CDON: variants seen among roughly 807,000 people sequenced by gnomAD.
The protein encoded by CDON is cell adhesion molecule-related/down-regulated by oncogenes.
Under a neutral mutation model 120.9 loss-of-function variants are expected in CDON, and 73 were observed. The observed-to-expected ratio is 0.60, with a 90% CI of 0.50 to 0.73. The LOEUF (loss-of-function observed/expected upper bound fraction) is 0.73, where lower values mean the gene tolerates loss of function less well. CDON is among the 30% of genes least tolerant of loss of function. CDON has a pLI of 0.00. For missense variants in CDON, 1,470 were observed against 1,587.3 expected (o/e 0.93, Z 1.26); for synonymous variants, 566 against 573.5 (o/e 0.99, Z 0.19).
chr11:125,980,658 T>C (rs984609511), intron 17 of CDON, among the ~76,000 whole-genome samples: 6 of 152,328 alleles, frequency 3.9e-5, no homozygotes, highest in Middle Eastern at 3.4e-3. Flanking sequence ...CCTCCAGTGC[T>C]ACCATCTCAC....
intron 8 of CDON, among the ~76,000 whole-genome samples, chr11:126,009,126 G>A (rs1297654968): frequency 6.6e-6 from 1 of 152,166 alleles, no homozygotes; most frequent in Non-Finnish European, 1.5e-5. Flanking sequence ...GCAGAGCCAG[G>A]ATTCTGACAC....
intron 1 of CDON, among the ~76,000 whole-genome samples, chr11:126,028,476 C>T (rs1947856315): frequency 6.6e-6 from 1 of 152,042 alleles, no homozygotes; most frequent in Admixed American, 6.5e-5. Flanking sequence ...CGACTCTCTG[C>T]CTCAGCCTCC....
At chr11:126,047,211 T>C (rs1384984897) in intron 1 of CDON, among the ~76,000 whole-genome samples, 2 of 152,146 alleles carry the variant, frequency 1.3e-5, no homozygotes, top group African/African-American at 4.8e-5. Context: ...AACTGAAGAA[T>C]GTTTACATTG....
rs1409860394 is a variant in CDON, at chr11:125,957,484, A to G, written c.*3458T>C. 2.0e-5 allele frequency: 3 copies of G among 152,280 alleles called. No individual in the cohort carries two copies. The highest frequency in any genetic ancestry group is 2.1e-4 in the South Asian group (1 of 4,836). 9.4% of individuals were successfully genotyped at this position (152,280 alleles called of 1,614,324 possible). On this transcript the variant is annotated 3_prime_UTR_variant, in exon 20 of 20. Coordinates refer to ENST00000531738, the MANE Select transcript of CDON (RefSeq NM_001378964.1). ...CAGCCTTCTCTTTTAATATAAAATC[A>G]TATCAACCAAATAAAACCTGCCAAA...
At chr11:125,972,188 G>A (rs1216466655) in intron 18 of CDON, among the ~76,000 whole-genome samples, 1 of 152,176 alleles carries the variant, frequency 6.6e-6, no homozygotes, top group Non-Finnish European at 1.5e-5. Flanking sequence ...AACATTGGGA[G>A]GCCGAGGCGG....
chr11:125,973,346 C>G (rs952717532), intron 18 of CDON, among the ~76,000 whole-genome samples: 4 of 152,116 alleles, frequency 2.6e-5, no homozygotes, highest in Non-Finnish European at 5.9e-5. Flanking sequence ...GCCTGACTGA[C>G]ATGGTGAAAC....
At chr11:125,964,318 C>A (rs1945730154) in intron 18 of CDON, among the ~76,000 whole-genome samples, 1 of 152,178 alleles carries the variant, frequency 6.6e-6, no homozygotes, top group African/African-American at 2.4e-5. Flanking sequence ...TTGCTAAATA[C>A]CTTCCTTAGG....
intron 18 of CDON, among the ~76,000 whole-genome samples, chr11:125,974,321 G>C (rs7951584): frequency 0.37 from 54,993 of 146,756 alleles, 10,473 homozygotes; most frequent in Admixed American, 0.43. Context: ...TGGCTCACTA[G>C]AGACCTGCAG....
At chr11:126,012,975 C>G (rs548045761) in intron 7 of CDON, among the ~76,000 whole-genome samples, 30 of 152,200 alleles carry the variant, frequency 2.0e-4, no homozygotes, top group African/African-American at 7.2e-4. Flanking sequence ...TCTTATATTT[C>G]ACCATTAAAT....
At position 125,956,962 on chromosome 11, in the gene CDON, C is replaced by A; in HGVS notation, c.*3980G>T. The stretch of plus-strand genomic sequence containing the variant: ...AAAGGGCCACACCCGATGCAAAAGA[C>A]TTTGCTGGCTTTCTGGTCAGACAAG... On this transcript the variant is annotated 3_prime_UTR_variant, in exon 20 of 20. Transcript: ENST00000531738. 1.5e-6 allele frequency: 1 copy of A among 667,566 alleles called. No individual in the cohort carries two copies. The highest frequency in any genetic ancestry group is 1.9e-6 in the Non-Finnish European group (1 of 539,780). 41.4% of individuals were successfully genotyped at this position (667,566 alleles called of 1,614,324 possible).
chr11:126,040,591 G>A (rs968813180), intron 1 of CDON, among the ~76,000 whole-genome samples: 3 of 151,744 alleles, frequency 2.0e-5, no homozygotes, highest in Non-Finnish European at 4.4e-5. Flanking sequence ...CGAGGTGGGC[G>A]GATCACAAGG....
At chr11:126,040,810 G>T (rs1318216495) in intron 1 of CDON, among the ~76,000 whole-genome samples, 1 of 53,066 alleles carries the variant, frequency 1.9e-5, no homozygotes, top group African/African-American at 8.6e-5. Flanking sequence ...GAAAGACTCC[G>T]TCTCAAAAAA....
intron 5 of CDON, 129 bp from the exon 6 acceptor site, chr11:126,017,504 T>A: frequency 1.1e-6 from 1 of 884,970 alleles, no homozygotes; most frequent in African/African-American, 1.7e-5. Context: ...GGTGGTTAAA[T>A]CCTTTTTAGT....
At chr11:125,964,581 C>T (rs1489313220) in intron 18 of CDON, among the ~76,000 whole-genome samples, 2 of 151,698 alleles carry the variant, frequency 1.3e-5, no homozygotes, top group Non-Finnish European at 2.9e-5. Flanking sequence ...AGAGTTCCAG[C>T]TCCCAGTCTA....
intron 3 of CDON, 141 bp downstream of exon 3, chr11:126,021,107 C>T (rs958407575): frequency 6.0e-6 from 5 of 826,540 alleles, no homozygotes; most frequent in Non-Finnish European, 9.6e-6. Context: ...CCACAATATA[C>T]TCACAGCAAG....
At chr11:126,058,447 C>T (rs1948725997) in intron 1 of CDON, among the ~76,000 whole-genome samples, 1 of 152,074 alleles carries the variant, frequency 6.6e-6, no homozygotes, top group Non-Finnish European at 1.5e-5. Context: ...GGAGAAATGC[C>T]CAGGATTAAG....
Position 126,021,294 on chromosome 11 carries a change from A to G in CDON, c.303T>C (p.Asn101=). 1.2e-6 allele frequency: 2 copies of G among 1,614,164 alleles called. No individual in the cohort carries two copies. Among genetic ancestry groups the G allele is most frequent in the Non-Finnish European group, 1.7e-6 (2 of 1,180,000 alleles). ...LLGYYQCLAN[N]SIGAIVSGPA... is the part of the protein sequence containing the mutation. ...GGCCACTCACAATGGCACCGATGCT[A>G]TTGTTGGCAAGGCACTGGTAGTAAC... Residue 101 remains asparagine, a synonymous_variant, in exon 3 of 20, where the codon AAT becomes AAC. Transcript: ENST00000531738.
Position 125,960,638 on chromosome 11 carries a change from TGCTGTCAC to T in CDON, c.*296_*303del, listed in dbSNP as rs1236727360. On this transcript the variant is annotated 3_prime_UTR_variant, in exon 20 of 20. Transcript: ENST00000531738. ...TGGGATCCTTTGCATGAGGAGCTCT[TGCTGTCAC>T]TATAGCTGTTAGAAAACATGGAAGG... The T allele has an allele frequency of 1.9e-5, 7 of 370,098 alleles. No individual in the cohort carries two copies. The highest frequency in any genetic ancestry group is 3.0e-5 in the Non-Finnish European group (6 of 200,636). 22.9% of individuals were successfully genotyped at this position (370,098 alleles called of 1,614,324 possible). A position where few individuals can be genotyped will look rare whatever the true frequency, so the allele number is the denominator to read the frequency against.
At chr11:126,013,056 A>G (rs1414045646) in intron 7 of CDON, among the ~76,000 whole-genome samples, 1 of 152,204 alleles carries the variant, frequency 6.6e-6, no homozygotes, top group Non-Finnish European at 1.5e-5. Flanking sequence ...TACTTTTCTA[A>G]GTGTCTAACA....
Sources: gnomAD v4.1 joint callset for allele counts (sites outside exome capture counted in the v4.1 genomes callset) on GRCh38, gnomAD v4.1.1 for gene constraint, MANE v1.5 for transcripts, NCBI Gene and HGNC (gene_info 2026-07-23, HGNC 2026-07-21) for gene names.